ZC3HAV1: variants seen among roughly 807,000 people sequenced by gnomAD.
The protein encoded by ZC3HAV1 is zinc finger CCCH-type antiviral protein 1.
ZC3HAV1 carries 41 observed loss-of-function variants against 86.6 expected under a neutral mutation model. The observed-to-expected ratio is 0.47, with a 90% CI of 0.37 to 0.61. The LOEUF is 0.61. Among genes scored for constraint, ZC3HAV1 ranks in the 20% least tolerant of loss-of-function variants. ZC3HAV1 has a pLI of 0.00. For missense variants in ZC3HAV1, 964 were observed against 1,141.1 expected, an observed-to-expected ratio of 0.84 and a Z score of 2.24; for synonymous variants, 421 against 432.1, an observed-to-expected ratio of 0.97 and a Z score of 0.32.
At chr7:139,085,047 C>G (rs1377835146) in intron 2 of ZC3HAV1, among the ~76,000 whole-genome samples, 1 of 152,192 alleles carries the variant, frequency 6.6e-6, no homozygotes, top group Non-Finnish European at 1.5e-5. Flanking sequence ...AGACTCTAGA[C>G]CAGCAATTCT....
intron 6 of ZC3HAV1, 47 bp from the exon 7 acceptor site, chr7:139,074,077 G>A (rs1816863532): frequency 6.4e-7 from 1 of 1,550,400 alleles, no homozygotes; most frequent in Non-Finnish European, 8.8e-7. Flanking sequence ...ATTGACCCCT[G>A]TTTTCTACAA....
chr7:139,106,209 A>G (rs1817931766), intron 1 of ZC3HAV1, among the ~76,000 whole-genome samples: 1 of 152,222 alleles, frequency 6.6e-6, no homozygotes, highest in Non-Finnish European at 1.5e-5. Context: ...GCTGTTTCAA[A>G]CCAGGGAAAA....
intron 9 of ZC3HAV1, 145 bp downstream of exon 9, chr7:139,060,891 C>T (rs746073329): frequency 1.3e-6 from 2 of 1,569,592 alleles, no homozygotes; most frequent in Admixed American, 3.6e-5. Context: ...GCATCTTACT[C>T]ATCGATAATG....
chr7:139,100,378 A>C, intron 1 of ZC3HAV1, among the ~76,000 whole-genome samples: 1 of 151,456 alleles, frequency 6.6e-6, no homozygotes, highest in Non-Finnish European at 1.5e-5. Context: ...CAAAATACAA[A>C]AAAAAAAAAT....
At chr7:139,073,671 A>G (rs970235761) in intron 7 of ZC3HAV1, among the ~76,000 whole-genome samples, 185 bp downstream of exon 7, 1 of 151,980 alleles carries the variant, frequency 6.6e-6, no homozygotes, top group Non-Finnish European at 1.5e-5. Context: ...TTGTATTTTT[A>G]ATAGAGATGG....
chr7:139,102,728 T>TAC (rs113108708), intron 1 of ZC3HAV1, among the ~76,000 whole-genome samples: 11,171 of 139,172 alleles, frequency 0.08, 506 homozygotes, highest in Non-Finnish European at 0.1. Flanking sequence ...ACTGTCTCTA[T>TAC]ACACACACAC....
chr7:139,065,178 G>A (rs1471948567), intron 7 of ZC3HAV1, among the ~76,000 whole-genome samples, 179 bp from the exon 8 acceptor site: 3 of 152,116 alleles, frequency 2.0e-5, no homozygotes, highest in Non-Finnish European at 2.9e-5. Flanking sequence ...CTCTATCATG[G>A]TACCCTAGAG....
chr7:139,055,321 T>A lies in ZC3HAV1; in HGVS notation c.2097-26A>T, dbSNP rs184010924. ...CTACAAATAAAGAGAAAGAATTCAC[T>A]TAACTCTCTGCTCCACAGGCCCAAG... On this transcript the variant is annotated intron_variant, in intron 9 of 12. Coordinates refer to ENST00000242351, the MANE Select transcript of ZC3HAV1 (RefSeq NM_020119.4). The A allele has an allele frequency of 1.4e-3, 2,273 of 1,597,192 alleles. 3 individuals carry two copies. The highest frequency in any genetic ancestry group is 1.5e-3 in the Non-Finnish European group (1,807 of 1,165,890).
At chr7:139,105,191 G>A (rs1033818772) in intron 1 of ZC3HAV1, among the ~76,000 whole-genome samples, 1 of 152,080 alleles carries the variant, frequency 6.6e-6, no homozygotes. Context: ...TTCAGTCTGG[G>A]TGACAAAGCA....
Position 139,079,567 on chromosome 7 carries a change from T to C in ZC3HAV1, c.1374A>G (p.Ser458=), listed in dbSNP as rs1460732992. The stretch of plus-strand genomic sequence containing the variant: ...GTCCAGCATCCTGAATCCTAGGTGA[T>C]GATATTTCTCTGTGACCGCTGCTAG... ...KSTSSGHREI[S]SPRIQDAGPA... Residue 458 remains serine (S), a synonymous_variant, in exon 4 of 13, where the codon TCA becomes TCG. Coordinates refer to ENST00000242351, the MANE Select transcript of ZC3HAV1 (RefSeq NM_020119.4). 1 of 1,614,168 alleles carries C rather than the reference T, an allele frequency of 6.2e-7. No individual in the cohort carries two copies. Among genetic ancestry groups the C allele is most frequent in the African/African-American group, 1.3e-5 (1 of 75,050 alleles).
At position 139,053,595 on chromosome 7, in the gene ZC3HAV1, T is replaced by C; in HGVS notation, c.2319-14A>G. The C allele has an allele frequency of 1.3e-6, 2 of 1,579,366 alleles. No individual in the cohort carries two copies. Among genetic ancestry groups the C allele is most frequent in the Non-Finnish European group, 1.7e-6 (2 of 1,165,762 alleles). ...TGCGATTTCTTCCTAATATAAGAGA[T>C]GTGAGACTTAACACGGAGACATCCC... On this transcript the variant is annotated splice_polypyrimidine_tract_variant and intron_variant, in intron 11 of 12. Coordinates refer to ENST00000242351, the MANE Select transcript of ZC3HAV1 (RefSeq NM_020119.4).
At chr7:139,097,424 A>ATTTT (rs1278585081) in intron 1 of ZC3HAV1, among the ~76,000 whole-genome samples, 12 of 81,178 alleles carry the variant, frequency 1.5e-4, no homozygotes, top group African/African-American at 7.8e-4. Context: ...ATATATATAT[A>ATTTT]TATATTTTTT....
intron 9 of ZC3HAV1, chr7:139,060,332 C>T (rs1816406763): frequency 4.1e-6 from 4 of 985,204 alleles, no homozygotes; most frequent in Non-Finnish European, 4.8e-6. Context: ...TATCCAACTC[C>T]AAAAATGTTC....
In ZC3HAV1 at chr7:139,060,841, C is replaced by T. The variant is rs114293787; in HGVS notation, c.2096+195G>A. ...CCTTTCAGAAAGAAAATTCATTTTC[C>T]GATCTAGTATCCTTTCAGTCACACC... On this transcript the variant is annotated intron_variant, in intron 9 of 12. Transcript: ENST00000242351. The T allele has an allele frequency of 8.4e-4, 1,241 of 1,481,066 alleles. 14 individuals are homozygous for T. The African/African-American group carries it at 0.016, about 19-fold the overall frequency. The allele number at this position is 1,481,066 out of a possible 1,614,324, so 91.7% of individuals were successfully genotyped here. A position where few individuals can be genotyped will look rare whatever the true frequency, so the allele number is the denominator to read the frequency against.
At chr7:139,088,031 CAAAAAAAA>C (rs10544425) in intron 2 of ZC3HAV1, among the ~76,000 whole-genome samples, 27 of 57,878 alleles carry the variant, frequency 4.7e-4, no homozygotes, top group South Asian at 4.1e-3. Context: ...GATCCTGTCT[CAAAAAAAA>C]AAAAAAAAAA....
intron 7 of ZC3HAV1, among the ~76,000 whole-genome samples, chr7:139,065,236 G>C (rs914026019): frequency 5.3e-5 from 8 of 152,174 alleles, no homozygotes; most frequent in Non-Finnish European, 1.2e-4. Flanking sequence ...GGGGAGGCCT[G>C]AGAAGTGTAG....
chr7:139,074,947 A>G (rs1216781380), intron 6 of ZC3HAV1, among the ~76,000 whole-genome samples: 1 of 152,192 alleles, frequency 6.6e-6, no homozygotes, highest in Non-Finnish European at 1.5e-5. Context: ...CTGACCAAAA[A>G]GTTTGAGAAT....
intron 6 of ZC3HAV1, 147 bp from the exon 7 acceptor site, chr7:139,074,177 A>G (rs1584854309): frequency 1.5e-6 from 1 of 679,172 alleles, no homozygotes; most frequent in South Asian, 2.3e-5. Context: ...GGTCCTACAC[A>G]TAAAAGAAAA....
intron 1 of ZC3HAV1, among the ~76,000 whole-genome samples, chr7:139,097,428 A>ATATTTTTTTTTTTTT: frequency 1.2e-4 from 6 of 48,160 alleles, no homozygotes; most frequent in African/African-American, 6.8e-4. Context: ...ATATATATAT[A>ATATTTTTTTTTTTTT]TTTTTTTTTT....
Sources: gnomAD v4.1 joint callset for allele counts (sites outside exome capture counted in the v4.1 genomes callset) on GRCh38, gnomAD v4.1.1 for gene constraint, MANE v1.5 for transcripts, NCBI Gene and HGNC (gene_info 2026-07-23, HGNC 2026-07-21) for gene names.